DOK6: variants seen among roughly 807,000 people sequenced by gnomAD.
DOK6 encodes docking protein 6.
Under a neutral mutation model 44.0 loss-of-function variants are expected in DOK6, and 22 were observed. The ratio of observed to expected loss-of-function variants is 0.50; its 90% CI spans 0.36 to 0.71. The LOEUF (loss-of-function observed/expected upper bound fraction) is 0.71. Ranked by LOEUF, DOK6 falls within the 30% of genes least tolerant of loss-of-function variation. DOK6 has a pLI of 0.00. For missense variants in DOK6, 340 were observed against 416.4 expected (o/e 0.82, Z 1.60); for synonymous variants, 166 against 145.5 (o/e 1.14, Z -1.01).
At chr18:69,475,991 C>CCAGG (rs35475314) in intron 1 of DOK6, among the ~76,000 whole-genome samples, 33,224 of 151,924 alleles carry the variant, frequency 0.22, 3,870 homozygotes, top group Non-Finnish European at 0.26. Flanking sequence ...GTCCCATCAC[C>CCAGG]CAGTAAGCAT....
intron 1 of DOK6, chr18:69,471,704 A>G (rs1189845289): frequency 6.6e-6 from 1 of 152,034 alleles, no homozygotes; most frequent in Non-Finnish European, 1.5e-5. Context: ...ATTACAGCTG[A>G]AAGAGACGTC....
intron 5 of DOK6, among the ~76,000 whole-genome samples, chr18:69,716,361 A>G (rs1986881071): frequency 6.6e-6 from 1 of 152,238 alleles, no homozygotes; most frequent in Non-Finnish European, 1.5e-5. Context: ...CTATGAGGCA[A>G]TTTAATATGC....
intron 7 of DOK6, among the ~76,000 whole-genome samples, chr18:69,793,460 A>C (rs1367468982): frequency 6.6e-6 from 1 of 152,196 alleles, no homozygotes; most frequent in Admixed American, 6.6e-5. Flanking sequence ...AGAGTTTCAT[A>C]AAGTGACAAT....
intron 3 of DOK6, among the ~76,000 whole-genome samples, chr18:69,643,046 C>T (rs1019481722): frequency 1.3e-5 from 2 of 152,064 alleles, no homozygotes; most frequent in African/African-American, 4.8e-5. Flanking sequence ...ACTTTGTTTC[C>T]CAATCTTTGT....
chr18:69,430,975 A>G (rs1459084794), intron 1 of DOK6, among the ~76,000 whole-genome samples: 1 of 152,116 alleles, frequency 6.6e-6, no homozygotes, highest in Admixed American at 6.5e-5. Flanking sequence ...AAAATAAAAG[A>G]AGATTACTAA....
At chr18:69,484,142 C>T (rs1456063344) in intron 1 of DOK6, among the ~76,000 whole-genome samples, 1 of 151,770 alleles carries the variant, frequency 6.6e-6, no homozygotes, top group Non-Finnish European at 1.5e-5. Context: ...AAGTCCTGAG[C>T]CTTTCCATAA....
intron 3 of DOK6, among the ~76,000 whole-genome samples, chr18:69,602,752 G>A (rs960862653): frequency 1.3e-5 from 2 of 152,066 alleles, no homozygotes. Context: ...AAATAATGTG[G>A]AAGTGAATAA....
chr18:69,538,170 A>G (rs1982172131), intron 1 of DOK6, among the ~76,000 whole-genome samples: 1 of 152,184 alleles, frequency 6.6e-6, no homozygotes, highest in Non-Finnish European at 1.5e-5. Context: ...TAGAAATGTT[A>G]TGCTGAAATA....
At chr18:69,534,190 G>T (rs887682248) in intron 1 of DOK6, among the ~76,000 whole-genome samples, 9 of 152,042 alleles carry the variant, frequency 5.9e-5, no homozygotes, top group African/African-American at 2.2e-4. Flanking sequence ...TTTAATGCAG[G>T]TCTCTTTGAC....
chr18:69,689,403 A>T (rs914491018), intron 4 of DOK6, among the ~76,000 whole-genome samples: 1 of 152,248 alleles, frequency 6.6e-6, no homozygotes, highest in Non-Finnish European at 1.5e-5. Flanking sequence ...AACAAAACCA[A>T]TGAAAATCTG....
At chr18:69,680,124 G>C (rs73467826) in intron 4 of DOK6, among the ~76,000 whole-genome samples, 1,977 of 152,230 alleles carry the variant, frequency 0.013, 47 homozygotes, top group African/African-American at 0.045. Context: ...TAAAAATATA[G>C]TTAACAAATC....
At chr18:69,483,476 G>T (rs7232718) in intron 1 of DOK6, among the ~76,000 whole-genome samples, 36,275 of 151,906 alleles carry the variant, frequency 0.24, 4,757 homozygotes, top group East Asian at 0.53. Context: ...TCATTCTCTT[G>T]ACTCTCTTGA....
At chr18:69,456,498 A>G (rs1979636952) in intron 1 of DOK6, among the ~76,000 whole-genome samples, 2 of 152,100 alleles carry the variant, frequency 1.3e-5, no homozygotes, top group South Asian at 4.1e-4. Context: ...TTTTATGGCT[A>G]TGCAGTATTC....
chr18:69,518,010 TTGG>T (rs1283441317), intron 1 of DOK6, among the ~76,000 whole-genome samples: 1 of 152,176 alleles, frequency 6.6e-6, no homozygotes, highest in Non-Finnish European at 1.5e-5. Flanking sequence ...TTAACTTCTC[TTGG>T]TGGCTTGCCT....
intron 3 of DOK6, among the ~76,000 whole-genome samples, chr18:69,648,070 C>T (rs1216251991): frequency 2.0e-5 from 3 of 152,156 alleles, no homozygotes; most frequent in African/African-American, 7.2e-5. Flanking sequence ...AAGCCTGGCA[C>T]ATCCTTGTTT....
chr18:69,727,185 C>A (rs542904233), intron 5 of DOK6, among the ~76,000 whole-genome samples: 17 of 152,106 alleles, frequency 1.1e-4, no homozygotes, highest in Admixed American at 6.6e-5. Flanking sequence ...GGGCACTAAT[C>A]CCATTCATGA....
intron 3 of DOK6, among the ~76,000 whole-genome samples, chr18:69,658,149 G>C (rs562500924): frequency 1.3e-5 from 2 of 151,646 alleles, no homozygotes; most frequent in East Asian, 3.9e-4. Flanking sequence ...ATGGGGTTTT[G>C]CTATATTGAC....
At chr18:69,787,723 G>C (rs1363793335) in intron 7 of DOK6, among the ~76,000 whole-genome samples, 1 of 152,122 alleles carries the variant, frequency 6.6e-6, no homozygotes, top group Non-Finnish European at 1.5e-5. Flanking sequence ...TACAGTACCT[G>C]TTTTCAAACT....
rs1979438229 is a variant in DOK6, at chr18:69,450,773, A to T, written c.66+49463A>T. The stretch of plus-strand genomic sequence containing the variant: ...CCAATATTCAACATTCTTAAAGAAA[A>T]GAATTTTCAACCCAGAATTTCATAT... On this transcript the variant is annotated intron_variant, in intron 1 of 7. Coordinates refer to ENST00000382713, the MANE Select transcript of DOK6 (RefSeq NM_152721.6). Among the ~76,000 whole-genome samples, 3 of 145,148 alleles carry T rather than the reference A, an allele frequency of 2.1e-5. No homozygotes were observed. In the South Asian group the frequency reaches 7.0e-4, roughly 34 times the overall value.
Sources: gnomAD v4.1 joint callset for allele counts (sites outside exome capture counted in the v4.1 genomes callset) on GRCh38, gnomAD v4.1.1 for gene constraint, MANE v1.5 for transcripts, NCBI Gene and HGNC (gene_info 2026-07-23, HGNC 2026-07-21) for gene names.